Variants in HCN1 observed in about 807,000 individuals in gnomAD.
HCN1 encodes potassium/sodium hyperpolarization-activated cyclic nucleotide-gated channel 1.
Under a neutral mutation model 78.9 loss-of-function variants are expected in HCN1, and 13 were observed. That is an observed-to-expected ratio of 0.16 (90% CI 0.11 to 0.26). HCN1 has a LOEUF of 0.26. HCN1 is among the 10% of genes least tolerant of loss of function. The probability of loss-of-function intolerance (pLI) is 1.00; values close to 1 mark genes in which losing one functional copy is unlikely to be tolerated. For synonymous variants in HCN1, 552 were observed against 455.5 expected (o/e 1.21, Z -2.70); for missense variants, 810 against 1,154.3 (o/e 0.70, Z 4.32).
At chr5:45,475,341 G>A (rs954522) in intron 2 of HCN1, among the ~76,000 whole-genome samples, 4 of 151,992 alleles carry the variant, frequency 2.6e-5, no homozygotes, top group Non-Finnish European at 4.4e-5. Flanking sequence ...TTATGACACA[G>A]ACTATTTTGA....
chr5:45,306,426 C>G (rs529168925), intron 5 of HCN1, among the ~76,000 whole-genome samples: 2 of 152,030 alleles, frequency 1.3e-5, no homozygotes, highest in Admixed American at 6.6e-5. Context: ...TATAACACTA[C>G]TGGAATAATT....
At chr5:45,357,942 T>A (rs1747034922) in intron 4 of HCN1, among the ~76,000 whole-genome samples, 1 of 151,910 alleles carries the variant, frequency 6.6e-6, no homozygotes, top group Non-Finnish European at 1.5e-5. Flanking sequence ...TTCTGGCACC[T>A]CTCCCCTCTC....
chr5:45,265,680 G>A (rs1744841751), intron 7 of HCN1, among the ~76,000 whole-genome samples: 1 of 152,164 alleles, frequency 6.6e-6, no homozygotes, highest in Non-Finnish European at 1.5e-5. Flanking sequence ...TAAGAATGAA[G>A]CAGTTGAGGT....
chr5:45,464,860 T>C (rs1741235985), intron 2 of HCN1, among the ~76,000 whole-genome samples: 1 of 152,100 alleles, frequency 6.6e-6, no homozygotes, highest in Non-Finnish European at 1.5e-5. Context: ...CTTACGGAGC[T>C]CACACATCTG....
chr5:45,270,878 A>G (rs1744948554), intron 6 of HCN1, among the ~76,000 whole-genome samples: 1 of 152,182 alleles, frequency 6.6e-6, no homozygotes, highest in Non-Finnish European at 1.5e-5. Flanking sequence ...GAGCATAGAT[A>G]TAAGTTTAGT....
rs557418056 is a variant in HCN1, at chr5:45,639,004, C to T, written c.849+6181G>A. On this transcript the variant is annotated intron_variant, in intron 2 of 7. Coordinates refer to ENST00000303230, the MANE Select transcript of HCN1 (RefSeq NM_021072.4). ...AAAGTAAATAATATAATATTGAAAA[C>T]AATTATCTCACAATACTAATAATTG... 2.4e-4 allele frequency among the ~76,000 whole-genome samples: 37 copies of T among 152,180 alleles called. No individual in the cohort carries two copies. In the South Asian group the frequency reaches 7.5e-3, roughly 31 times the overall value.
intron 2 of HCN1, among the ~76,000 whole-genome samples, chr5:45,616,770 T>C (rs1744964941): frequency 6.6e-6 from 1 of 151,948 alleles, no homozygotes; most frequent in South Asian, 2.1e-4. Flanking sequence ...TACATCCAAA[T>C]AGGAAAAGAA....
At chr5:45,345,470 CAA>C (rs943831792) in intron 5 of HCN1, among the ~76,000 whole-genome samples, 3 of 152,154 alleles carry the variant, frequency 2.0e-5, no homozygotes, top group African/African-American at 7.2e-5. Flanking sequence ...CAAAATATTT[CAA>C]AGTTTTATGC....
In HCN1 at chr5:45,416,634, A is replaced by C. The variant is rs549670143; in HGVS notation, c.1012-19924T>G. 5.3e-5 allele frequency among the ~76,000 whole-genome samples: 8 copies of C among 152,120 alleles called. No homozygotes were observed. The East Asian group carries it at 7.7e-4, about 15-fold the overall frequency. On this transcript the variant is annotated intron_variant, in intron 3 of 7. Coordinates refer to ENST00000303230, the MANE Select transcript of HCN1 (RefSeq NM_021072.4). ...GATGAAGGCAAACGCATAAATACACAGTACTATATATATGCTATTATTGTT... is the reference window on the plus strand; with the variant it reads ...GATGAAGGCAAACGCATAAATACACCGTACTATATATATGCTATTATTGTT...
At chr5:45,667,297 T>C (rs1746068436) in intron 1 of HCN1, among the ~76,000 whole-genome samples, 2 of 151,978 alleles carry the variant, frequency 1.3e-5, no homozygotes, top group South Asian at 4.1e-4. Flanking sequence ...CCCATGCTGG[T>C]CCTGGTGGGT....
At position 45,396,441 on chromosome 5, in the gene HCN1, C is replaced by T. The variant is rs1739688784; in HGVS notation, c.1230+51G>A. 2.9e-6 allele frequency: 4 copies of T among 1,371,982 alleles called. No individual in the cohort carries two copies. In the South Asian group the frequency reaches 4.8e-5, roughly 17 times the overall value. The allele number at this position is 1,371,982 out of a possible 1,614,324, so 85.0% of individuals were successfully genotyped here. A position where few individuals can be genotyped will look rare whatever the true frequency, so the allele number is the denominator to read the frequency against. On this transcript the variant is annotated intron_variant, in intron 4 of 7. Coordinates refer to ENST00000303230, the MANE Select transcript of HCN1 (RefSeq NM_021072.4). ...GTTATCTTGAACACAATTCAATTTA[C>T]TGGTTCAGGTTAGCTGGTTAAAGAC...
intron 3 of HCN1, among the ~76,000 whole-genome samples, chr5:45,424,540 T>C (rs901671503): frequency 6.6e-6 from 1 of 152,180 alleles, no homozygotes; most frequent in Admixed American, 6.5e-5. Context: ...TTTGCCAAAA[T>C]GTTCCAAAAT....
At chr5:45,492,387 A>G (rs1183862300) in intron 2 of HCN1, among the ~76,000 whole-genome samples, 1 of 87,548 alleles carries the variant, frequency 1.1e-5, no homozygotes, top group African/African-American at 4.0e-5. Context: ...AGACTTCTTT[A>G]AATGAATATA....
At chr5:45,515,287 T>C (rs1742495622) in intron 2 of HCN1, among the ~76,000 whole-genome samples, 1 of 151,998 alleles carries the variant, frequency 6.6e-6, no homozygotes. Flanking sequence ...TATCAGAAGG[T>C]ATACTATAAT....
intron 3 of HCN1, among the ~76,000 whole-genome samples, chr5:45,435,275 A>C (rs935393326): frequency 1.3e-5 from 2 of 152,126 alleles, no homozygotes; most frequent in Non-Finnish European, 2.9e-5. Context: ...GCATGTTATC[A>C]TGGTATTTTA....
intron 2 of HCN1, among the ~76,000 whole-genome samples, chr5:45,499,954 C>G (rs1742154482): frequency 6.6e-6 from 1 of 152,094 alleles, no homozygotes; most frequent in South Asian, 2.1e-4. Flanking sequence ...ATAAAACACA[C>G]AAACACAGTC....
intron 6 of HCN1, among the ~76,000 whole-genome samples, chr5:45,287,537 T>C (rs1250764498): frequency 1.3e-5 from 2 of 152,006 alleles, no homozygotes; most frequent in African/African-American, 4.8e-5. Flanking sequence ...TAAGAACTAG[T>C]TGTTTGAAGA....
At chr5:45,531,057 TACACACACAC>T (rs34789584) in intron 2 of HCN1, among the ~76,000 whole-genome samples, 6 of 144,196 alleles carry the variant, frequency 4.2e-5, no homozygotes, top group African/African-American at 1.5e-4. Flanking sequence ...CTAACACACA[TACACACACAC>T]ACACACACAC....
chr5:45,558,048 T>G (rs1002201275), intron 2 of HCN1: 1 of 151,720 alleles, frequency 6.6e-6, no homozygotes, highest in African/African-American at 2.4e-5. Flanking sequence ...GGGCCTCTTA[T>G]GCCAAACACT....
Sources: gnomAD v4.1 joint callset for allele counts (sites outside exome capture counted in the v4.1 genomes callset) on GRCh38, gnomAD v4.1.1 for gene constraint, MANE v1.5 for transcripts, NCBI Gene and HGNC (gene_info 2026-07-23, HGNC 2026-07-21) for gene names.